LSAMP: variants seen among roughly 807,000 people sequenced by gnomAD.
LSAMP encodes the protein limbic system-associated membrane protein.
In LSAMP, 7 loss-of-function variants were observed where a neutral mutation model predicts 38.6. The ratio of observed to expected loss-of-function variants is 0.18; its 90% CI spans 0.10 to 0.34. LSAMP has a LOEUF of 0.34. LSAMP is among the 10% of genes least tolerant of loss of function. LSAMP has a pLI of 1.00. For synonymous variants in LSAMP, 154 were observed against 166.8 expected, an observed-to-expected ratio of 0.92 and a Z score of 0.59; for missense variants, 313 against 420.0, an observed-to-expected ratio of 0.75 and a Z score of 2.23.
At chr3:116,368,338 T>G (rs1299455391) in intron 1 of LSAMP, 2 of 152,230 alleles carry the variant, frequency 1.3e-5, no homozygotes, top group African/African-American at 4.8e-5. Flanking sequence ...ATGTTTACTC[T>G]GCTGTAAGCC....
chr3:116,215,433 C>T (rs922216959), intron 1 of LSAMP, among the ~76,000 whole-genome samples: 3 of 147,742 alleles, frequency 2.0e-5, no homozygotes, highest in Non-Finnish European at 4.5e-5. Context: ...GCCTTAGGAC[C>T]TTTTTTTTTT....
At chr3:115,932,956 G>A (rs62268834) in intron 3 of LSAMP, among the ~76,000 whole-genome samples, 2,134 of 152,286 alleles carry the variant, frequency 0.014, 20 homozygotes, top group Non-Finnish European at 0.023. Context: ...GGTGACTTGG[G>A]TGTTAGAGGA....
chr3:116,152,343 C>T (rs905512110), intron 1 of LSAMP, among the ~76,000 whole-genome samples: 2 of 152,056 alleles, frequency 1.3e-5, no homozygotes, highest in African/African-American at 4.8e-5. Context: ...AATCGGTACC[C>T]ATGCTTTAAT....
chr3:116,402,670 G>C (rs1302824678), intron 1 of LSAMP, among the ~76,000 whole-genome samples: 1 of 151,724 alleles, frequency 6.6e-6, no homozygotes, highest in Non-Finnish European at 1.5e-5. Flanking sequence ...ATATATATGC[G>C]AGTATATGCA....
intron 1 of LSAMP, among the ~76,000 whole-genome samples, chr3:116,115,543 TTC>T (rs1195209876): frequency 6.6e-6 from 1 of 152,214 alleles, no homozygotes; most frequent in Admixed American, 6.5e-5. Context: ...TCTTGTCCAT[TTC>T]TTTTTCTTTT....
rs535980675 is a variant in LSAMP at position 115,913,810 on chromosome 3, T to C, written c.515-61193A>G. ...AGGGGACCTATGTCTTTTTCATGCA[T>C]GTGTCCCAAGTGCCTACCATGATGC... is the stretch of plus-strand genomic sequence containing the variant. On this transcript the variant is annotated intron_variant, in intron 3 of 6. Transcript: ENST00000490035. Among the ~76,000 whole-genome samples, 5 of 152,264 alleles carry C rather than the reference T, an allele frequency of 3.3e-5. No individual in the cohort carries two copies. In the South Asian group the frequency reaches 1.0e-3, roughly 32 times the overall value.
chr3:116,141,106 A>G (rs1008471528), intron 1 of LSAMP, among the ~76,000 whole-genome samples: 2 of 151,964 alleles, frequency 1.3e-5, no homozygotes, highest in Non-Finnish European at 2.9e-5. Context: ...TCCTTCCACT[A>G]AAAATGTCTC....
intron 3 of LSAMP, among the ~76,000 whole-genome samples, chr3:115,959,776 A>C (rs1938566522): frequency 6.6e-6 from 1 of 152,190 alleles, no homozygotes; most frequent in African/African-American, 2.4e-5. Flanking sequence ...CTGCTGTTAT[A>C]ATTTTATCAT....
intron 3 of LSAMP, among the ~76,000 whole-genome samples, chr3:115,928,969 G>GTT (rs1033194537): frequency 2.9e-3 from 157 of 53,456 alleles, no homozygotes; most frequent in East Asian, 6.6e-3. Flanking sequence ...CAGGTTTTTT[G>GTT]TTTGTTTTTT....
intron 1 of LSAMP, among the ~76,000 whole-genome samples, chr3:116,316,231 A>G (rs954933223): frequency 6.6e-6 from 1 of 152,194 alleles, no homozygotes; most frequent in Non-Finnish European, 1.5e-5. Flanking sequence ...TGAAGCAGTA[A>G]GATACTGAAT....
chr3:116,427,207 G>C (rs2049210643), intron 1 of LSAMP, among the ~76,000 whole-genome samples: 1 of 142,216 alleles, frequency 7.0e-6, no homozygotes, highest in Admixed American at 7.6e-5. Context: ...TGCAAGCTCC[G>C]CTTCCCGGGT....
intron 1 of LSAMP, among the ~76,000 whole-genome samples, chr3:116,275,292 A>ATCCTCCC (rs2047034416): frequency 6.6e-6 from 1 of 151,874 alleles, no homozygotes; most frequent in Non-Finnish European, 1.5e-5. Flanking sequence ...GGCTCAAGCA[A>ATCCTCCC]TCCTCCCTCC....
chr3:116,216,863 C>T (rs1432782472), intron 1 of LSAMP, among the ~76,000 whole-genome samples: 2 of 152,126 alleles, frequency 1.3e-5, no homozygotes, highest in Non-Finnish European at 2.9e-5. Context: ...GGAAATAGAT[C>T]GTGTTCAGAT....
intron 6 of LSAMP, among the ~76,000 whole-genome samples, chr3:115,821,835 G>T (rs901704382): frequency 6.6e-6 from 1 of 152,188 alleles, no homozygotes; most frequent in Non-Finnish European, 1.5e-5. Flanking sequence ...CTTCCTCACT[G>T]ATGCCAAGGA....
At chr3:116,416,259 C>T (rs1015997987) in intron 1 of LSAMP, among the ~76,000 whole-genome samples, 4 of 152,120 alleles carry the variant, frequency 2.6e-5, no homozygotes, top group Non-Finnish European at 4.4e-5. Context: ...GTTGCCTCTC[C>T]GTGGTGGACA....
intron 1 of LSAMP, among the ~76,000 whole-genome samples, chr3:116,149,122 A>G (rs920459450): frequency 3.9e-5 from 6 of 151,982 alleles, no homozygotes; most frequent in Non-Finnish European, 7.4e-5. Flanking sequence ...CTCTAGAGAG[A>G]GGGTTCATGT....
intron 1 of LSAMP, among the ~76,000 whole-genome samples, chr3:116,233,883 G>C (rs1364812806): frequency 1.3e-5 from 2 of 152,154 alleles, no homozygotes; most frequent in South Asian, 2.1e-4. Flanking sequence ...TGGTTTATCT[G>C]ATTCTCCCCT....
At chr3:116,134,626 A>C (rs1709206720) in intron 1 of LSAMP, among the ~76,000 whole-genome samples, 1 of 152,180 alleles carries the variant, frequency 6.6e-6, no homozygotes, top group South Asian at 2.1e-4. Context: ...TTCGTCCACC[A>C]TCTTCCTCAA....
chr3:115,966,005 C>T (rs1033266945), intron 3 of LSAMP, among the ~76,000 whole-genome samples: 3 of 152,160 alleles, frequency 2.0e-5, no homozygotes, highest in Non-Finnish European at 2.9e-5. Context: ...AATAAGATTT[C>T]TCTATTGTTA....
Sources: allele counts gnomAD v4.1 joint callset (sites outside exome capture counted in the v4.1 genomes callset), GRCh38; gene constraint gnomAD v4.1.1; transcripts MANE v1.5; gene names NCBI Gene and HGNC (gene_info 2026-07-23, HGNC 2026-07-21).